CARD19: variants seen among roughly 807,000 people sequenced by gnomAD.
The protein encoded by CARD19 is caspase recruitment domain-containing protein 19.
CARD19 carries 25 observed loss-of-function variants against 24.1 expected under a neutral mutation model. That is an observed-to-expected ratio of 1.04 (90% CI 0.76 to 1.45). The LOEUF is 1.45. Among genes scored for constraint, CARD19 ranks in the 40% most tolerant of loss-of-function variants. CARD19 has a pLI of 0.00. For synonymous variants in CARD19, 103 were observed against 104.9 expected, an observed-to-expected ratio of 0.98 and a Z score of 0.11; for missense variants, 241 against 247.4, an observed-to-expected ratio of 0.97 and a Z score of 0.17.
At chr9:93,100,074 G>A (rs367996823) in intron 1 of CARD19, among the ~76,000 whole-genome samples, 6 of 152,214 alleles carry the variant, frequency 3.9e-5, no homozygotes, top group South Asian at 2.1e-4. Flanking sequence ...CAGGGCGAGC[G>A]TACTGAGACG....
chr9:93,110,784 C>T (rs537783739), intron 3 of CARD19, 63 bp downstream of exon 3: 4 of 1,555,674 alleles, frequency 2.6e-6, no homozygotes, highest in Non-Finnish European at 3.5e-6. Flanking sequence ...CCCCAGCCTG[C>T]CGTTGATGGC....
chr9:93,105,525 C>T (rs1240738269), intron 1 of CARD19, among the ~76,000 whole-genome samples: 1 of 152,170 alleles, frequency 6.6e-6, no homozygotes, highest in African/African-American at 2.4e-5. Flanking sequence ...AAGTGATCTG[C>T]CTGCCTTAGC....
chr9:93,111,092 A>G lies in CARD19; in HGVS notation c.304+371A>G, dbSNP rs947484697. The stretch of plus-strand genomic sequence containing the variant: ...ACAGCAACCTTGTTCCCACAGCTGC[A>G]TGGCGCTCCTAGGCGGTCCCAGCTG... On this transcript the variant is annotated intron_variant, in intron 3 of 5. Transcript: ENST00000375464. 13 of 1,305,220 alleles carry G rather than the reference A, an allele frequency of 1.0e-5. No individual in the cohort carries two copies. In the East Asian group the frequency reaches 5.0e-4, roughly 51 times the overall value. 80.9% of individuals were successfully genotyped at this position (1,305,220 alleles called of 1,614,324 possible).
chr9:93,106,420 A>AAAAAAAT (rs1554753848), intron 1 of CARD19, among the ~76,000 whole-genome samples: 5 of 148,490 alleles, frequency 3.4e-5, no homozygotes, highest in Non-Finnish European at 6.0e-5. Flanking sequence ...CTACTAAAAA[A>AAAAAAAT]AAAAAAAAAA....
At position 93,111,919 on chromosome 9, in the gene CARD19, C is replaced by T. The variant is rs751005146; in HGVS notation, c.345C>T (p.Ser115=). Residue 115 remains serine (S), a synonymous_variant, in exon 4 of 6, where the codon AGC becomes AGT. Transcript: ENST00000375464. ...CAGAGCTAGACTCGGGCAGCCAGAG[C>T]GGCGAGCTGAGTAACAGGGGTAACA... ...DCTELDSGSQ[S]GELSNRGPMS... is the part of the protein sequence containing the mutation. 1.1e-5 allele frequency: 17 copies of T among 1,611,550 alleles called. No homozygotes were observed. The highest frequency in any genetic ancestry group is 4.5e-5 in the East Asian group (2 of 44,864).
At chr9:93,097,967 A>G (rs1440387751) in intron 1 of CARD19, among the ~76,000 whole-genome samples, 1 of 152,246 alleles carries the variant, frequency 6.6e-6, no homozygotes, top group African/African-American at 2.4e-5. Flanking sequence ...CAGCCCTGCG[A>G]GGCTGCAGAC....
At chr9:93,109,592 A>T (rs572259656) in intron 2 of CARD19, among the ~76,000 whole-genome samples, 48 of 151,632 alleles carry the variant, frequency 3.2e-4, no homozygotes, top group Non-Finnish European at 5.9e-4. Context: ...TCAGCCTCCC[A>T]AGAAGCTGGG....
At chr9:93,107,913 A>C in intron 2 of CARD19, 97 bp downstream of exon 2, 314 of 1,448,604 alleles carry the variant, frequency 2.2e-4, no homozygotes, top group Non-Finnish European at 2.7e-4. Context: ...TCATTCTCTC[A>C]TGGGATGACA....
chr9:93,100,766 G>A (rs1466043853), intron 1 of CARD19, among the ~76,000 whole-genome samples: 3 of 152,036 alleles, frequency 2.0e-5, no homozygotes, highest in Non-Finnish European at 4.4e-5. Context: ...TCTATTTTCT[G>A]TCTCTATGAA....
intron 1 of CARD19, among the ~76,000 whole-genome samples, chr9:93,097,970 C>T (rs1826942939): frequency 6.6e-6 from 1 of 152,256 alleles, no homozygotes; most frequent in Non-Finnish European, 1.5e-5. Context: ...CCCTGCGAGG[C>T]TGCAGACCCA....
At chr9:93,107,197 G>A (rs1019448041) in intron 1 of CARD19, among the ~76,000 whole-genome samples, 2 of 152,036 alleles carry the variant, frequency 1.3e-5, no homozygotes, top group Non-Finnish European at 2.9e-5. Context: ...TCTTGATCTC[G>A]AACTCCTGAG....
rs770515947 is a variant in CARD19 at position 93,107,708 on chromosome 9, G to C, written c.42G>C (p.Thr14=). The C allele has an allele frequency of 1.9e-6, 3 of 1,614,106 alleles. No individual in the cohort carries two copies. In the African/African-American group the frequency reaches 4.0e-5, roughly 22 times the overall value. The change falls in exon 2 of 6, where the codon ACG becomes ACC. Residue 14 remains threonine, a synonymous_variant. Transcript: ENST00000375464. ...QTYCDRLVQD[T]PFLTGHGRLS... ...ATTGTGACCGCCTGGTGCAGGACAC[G>C]CCTTTCCTGACAGGCCATGGGCGCT...
At chr9:93,112,857 C>T (rs1336510078) in intron 5 of CARD19, 135 bp from the exon 6 acceptor site, 3 of 605,858 alleles carry the variant, frequency 5.0e-6, no homozygotes, top group East Asian at 5.8e-5. Flanking sequence ...CTTTTCAACT[C>T]AAGCCGAGAC....
At chr9:93,107,035 C>T (rs1827288746) in intron 1 of CARD19, among the ~76,000 whole-genome samples, 2 of 152,092 alleles carry the variant, frequency 1.3e-5, no homozygotes, top group South Asian at 4.1e-4. Context: ...TTCTAGCCCT[C>T]TGGGAGAACT....
chr9:93,111,167 G>T (rs181165515), intron 3 of CARD19: 13 of 1,202,196 alleles, frequency 1.1e-5, no homozygotes, highest in Non-Finnish European at 1.4e-5. Flanking sequence ...ATCTGCACAC[G>T]TGTGGGTGTT....
chr9:93,101,571 C>G (rs1170651034), intron 1 of CARD19, among the ~76,000 whole-genome samples: 1 of 151,418 alleles, frequency 6.6e-6, no homozygotes. Flanking sequence ...TCCCAAGTAG[C>G]TGGGATTACA....
intron 2 of CARD19, 51 bp from the exon 3 acceptor site, chr9:93,110,517 A>G (rs1587650780): frequency 1.3e-6 from 2 of 1,546,944 alleles, no homozygotes; most frequent in Non-Finnish European, 1.8e-6. Flanking sequence ...GCCCTGACCC[A>G]CAGCCAGCCC....
At chr9:93,107,963 C>T (rs1041910609) in intron 2 of CARD19, 147 bp downstream of exon 2, 3 of 1,118,464 alleles carry the variant, frequency 2.7e-6, no homozygotes, top group Non-Finnish European at 3.8e-6. Context: ...ACATCTGGAC[C>T]TGGCTACTAA....
rs754886498 is a variant in CARD19 at position 93,112,946 on chromosome 9, C to G, written c.437-46C>G. 8.6e-6 allele frequency: 12 copies of G among 1,388,064 alleles called. 1 individual carries two copies. In the South Asian group the frequency reaches 1.5e-4, roughly 17 times the overall value. 86.0% of individuals were successfully genotyped at this position (1,388,064 alleles called of 1,614,324 possible). A position where few individuals can be genotyped will look rare whatever the true frequency, so the allele number is the denominator to read the frequency against. ...GGAGGGATGGAAACACAGAATTCAC[C>G]TCTGGGACTGGTTCTTGAGCTTTTG... is the stretch of plus-strand genomic sequence containing the variant. On this transcript the variant is annotated intron_variant, in intron 5 of 5. Coordinates refer to ENST00000375464, the MANE Select transcript of CARD19 (RefSeq NM_032310.5).
Sources: allele counts gnomAD v4.1 joint callset (sites outside exome capture counted in the v4.1 genomes callset), GRCh38; gene constraint gnomAD v4.1.1; transcripts MANE v1.5; gene names NCBI Gene and HGNC (gene_info 2026-07-23, HGNC 2026-07-21).